The following KYAT1 variants were observed in gnomAD, a reference collection of about 807,000 sequenced individuals.
KYAT1 encodes the protein kynurenine aminotransferase 1.
A neutral mutation model predicts 52.4 loss-of-function variants in KYAT1; 47 were observed. The ratio of observed to expected loss-of-function variants is 0.90; its 90% CI spans 0.71 to 1.14. The LOEUF is 1.14. KYAT1 is among the 50% of genes most tolerant of loss of function. KYAT1 has a pLI of 0.00. For synonymous variants in KYAT1, 212 were observed against 209.6 expected (o/e 1.01, Z -0.10); for missense variants, 480 against 557.9 (o/e 0.86, Z 1.41).
At chr9:128,850,571 G>C (rs977851796) in intron 1 of KYAT1, among the ~76,000 whole-genome samples, 4 of 152,214 alleles carry the variant, frequency 2.6e-5, no homozygotes, top group Non-Finnish European at 5.9e-5. Context: ...GCCTTGGAAA[G>C]CCGCGTATTG....
At chr9:128,844,522 TAC>T (rs1832762046) in intron 2 of KYAT1, among the ~76,000 whole-genome samples, 1 of 117,116 alleles carries the variant, frequency 8.5e-6, no homozygotes, top group African/African-American at 3.3e-5. Context: ...CTACTAAAAA[TAC>T]AAAAAAAAAA....
chr9:128,871,290 C>T (rs1426710365), intron 1 of KYAT1, among the ~76,000 whole-genome samples: 1 of 152,112 alleles, frequency 6.6e-6, no homozygotes, highest in Non-Finnish European at 1.5e-5. Flanking sequence ...TGTACTCCAG[C>T]TTGGGAGACA....
chr9:128,845,984 A>G (rs1833030110), intron 1 of KYAT1, among the ~76,000 whole-genome samples: 1 of 152,334 alleles, frequency 6.6e-6, no homozygotes, highest in African/African-American at 2.4e-5. Context: ...ACACACTCAG[A>G]CTTAGGCCTG....
At chr9:128,866,193 G>A (rs1836348092) in intron 1 of KYAT1, among the ~76,000 whole-genome samples, 2 of 152,148 alleles carry the variant, frequency 1.3e-5, no homozygotes, top group South Asian at 4.1e-4. Flanking sequence ...AAGTAACTGG[G>A]CCATTTTAAT....
chr9:128,834,850 A>G (rs566411477), intron 11 of KYAT1, among the ~76,000 whole-genome samples: 2 of 140,150 alleles, frequency 1.4e-5, no homozygotes, highest in East Asian at 4.4e-4. Flanking sequence ...AAAAAAAAAA[A>G]AAAAGGCCAG....
At position 128,835,560 on chromosome 9, in the gene KYAT1, T is replaced by C; in HGVS notation, c.963A>G (p.Ile321Met). The change falls in exon 10 of 13, where the codon ATA becomes ATG. Residue 321 changes from isoleucine (I) to methionine (M), a missense_variant. Transcript: ENST00000302586. ...TCAGGCCCACTGACTGTAGGCTACG[T>C]ATCATGTGGTCACGGCAGCGCTGCA... ...QAMQRCRDHM[I>M]RSLQSVGLKP... is the part of the protein sequence containing the mutation. 1.9e-6 allele frequency: 3 copies of C among 1,613,648 alleles called. No individual in the cohort carries two copies. The highest frequency in any genetic ancestry group is 2.5e-6 in the Non-Finnish European group (3 of 1,180,030).
rs544369869 is a variant in KYAT1 at position 128,878,854 on chromosome 9, G to A, written c.-7+3043C>T. On this transcript the variant is annotated intron_variant, in intron 1 of 12. Transcript: ENST00000302586. Reference sequence around the variant, plus strand: ...ACATTAAAGGAACACACAACAGATAGGCAGATAGCCTCGCGGGAGCCTTGG... The same window carrying A: ...ACATTAAAGGAACACACAACAGATAAGCAGATAGCCTCGCGGGAGCCTTGG... Among the ~76,000 whole-genome samples, 3 of 152,294 alleles carry A rather than the reference G, an allele frequency of 2.0e-5. No individual in the cohort carries two copies. The South Asian group carries it at 6.2e-4, about 32-fold the overall frequency.
intron 1 of KYAT1, among the ~76,000 whole-genome samples, chr9:128,853,874 C>T (rs77332479): frequency 6.6e-6 from 1 of 152,176 alleles, no homozygotes; most frequent in Non-Finnish European, 1.5e-5. Context: ...GTTTATGTCC[C>T]AATGCATTAT....
chr9:128,842,643 G>C lies in KYAT1; in HGVS notation c.201+11C>G. On this transcript the variant is annotated intron_variant, in intron 3 of 12. Transcript: ENST00000302586. Reference sequence around the variant, plus strand: ...TCCCCCAGTGCCTCCACGAGAGATGGGGAGACTCACAAATGTCTTGGTGTA... The same window carrying C: ...TCCCCCAGTGCCTCCACGAGAGATGCGGAGACTCACAAATGTCTTGGTGTA... 1.2e-6 allele frequency: 2 copies of C among 1,611,902 alleles called. No individual in the cohort carries two copies. The highest frequency in any genetic ancestry group is 2.2e-5 in the South Asian group (2 of 90,898).
chr9:128,862,790 G>A (rs531406023), intron 1 of KYAT1, among the ~76,000 whole-genome samples: 10 of 152,272 alleles, frequency 6.6e-5, no homozygotes, highest in Non-Finnish European at 1.0e-4. Flanking sequence ...ATGTGTGGCC[G>A]GGTAAGACTG....
chr9:128,875,406 G>A (rs1421823133), intron 1 of KYAT1, among the ~76,000 whole-genome samples: 1 of 151,848 alleles, frequency 6.6e-6, no homozygotes, highest in Non-Finnish European at 1.5e-5. Context: ...TTGAGGTCAG[G>A]AGTTCGAGAC....
intron 1 of KYAT1, among the ~76,000 whole-genome samples, chr9:128,864,737 T>C (rs567271016): frequency 6.6e-6 from 1 of 152,056 alleles, no homozygotes; most frequent in South Asian, 2.1e-4. Flanking sequence ...GCCTCCCGAG[T>C]AGCTGGGACT....
At position 128,865,123 on chromosome 9, in the gene KYAT1, G is replaced by A. The variant is rs187865419; in HGVS notation, c.-7+16774C>T. Among the ~76,000 whole-genome samples, 1,050 of 147,688 alleles carry A rather than the reference G, an allele frequency of 7.1e-3. 10 individuals are homozygous for A. The highest frequency in any genetic ancestry group is 0.019 in the African/African-American group (735 of 39,202). On this transcript the variant is annotated intron_variant, in intron 1 of 12. Transcript: ENST00000302586. The stretch of plus-strand genomic sequence containing the variant: ...CGTCTGTAGTCCCAGCTACTCGGGA[G>A]GCTGAGGTGGGAGGATCACTTGAGC...
rs151183415 is a variant in KYAT1 at position 128,846,256 on chromosome 9, C to A, written c.-6-845G>T. ...CCAGCCTGGCCAACATGGTGAAACC[C>A]CCATCTCTACTAAAAATACAAAAAT... On this transcript the variant is annotated intron_variant, in intron 1 of 12. Coordinates refer to ENST00000302586, the MANE Select transcript of KYAT1 (RefSeq NM_004059.5). 4.4e-3 allele frequency among the ~76,000 whole-genome samples: 664 copies of A among 152,250 alleles called. 7 individuals are homozygous for A. Among genetic ancestry groups the A allele is most frequent in the African/African-American group, 0.015 (639 of 41,546 alleles).
intron 1 of KYAT1, among the ~76,000 whole-genome samples, chr9:128,867,725 C>T (rs980152816): frequency 1.3e-5 from 2 of 152,166 alleles, no homozygotes; most frequent in Non-Finnish European, 2.9e-5. Context: ...GAAAGATATT[C>T]AGGTTATGTG....
At chr9:128,852,879 G>T (rs1358960340) in intron 1 of KYAT1, among the ~76,000 whole-genome samples, 2 of 152,162 alleles carry the variant, frequency 1.3e-5, no homozygotes. Flanking sequence ...AGCAACTAAA[G>T]AAATTGAATT....
chr9:128,879,536 C>T (rs542936877), intron 1 of KYAT1, among the ~76,000 whole-genome samples: 70 of 152,268 alleles, frequency 4.6e-4, no homozygotes, highest in Admixed American at 1.8e-3. Context: ...AGGCATTCTC[C>T]GGGAGGAAAG....
chr9:128,851,381 A>G (rs1363601825), intron 1 of KYAT1, among the ~76,000 whole-genome samples: 2 of 152,192 alleles, frequency 1.3e-5, no homozygotes, highest in Admixed American at 1.3e-4. Context: ...CCAGGGTAAC[A>G]ATGGGGCAAA....
chr9:128,836,892 C>A lies in KYAT1; in HGVS notation c.598G>T (p.Ala200Ser). 1 of 1,613,608 alleles carries A rather than the reference C, an allele frequency of 6.2e-7. No individual in the cohort carries two copies. The highest frequency in any genetic ancestry group is 8.5e-7 in the Non-Finnish European group (1 of 1,179,972). The change falls in exon 7 of 13, where the codon GCC becomes TCC. Residue 200 changes from alanine to serine, a missense_variant. Transcript: ENST00000302586. ...ACGTCATGCTGCTGGCAAAGGCTGG[C>A]CACCAGCTCCAGCTCTTCCCTGGAG... Reference protein sequence around the residue: ...VFSREELELVASLCQQHDVVC... With the variant: ...VFSREELELVSSLCQQHDVVC...
Sources: allele counts gnomAD v4.1 joint callset (sites outside exome capture counted in the v4.1 genomes callset), GRCh38; gene constraint gnomAD v4.1.1; transcripts MANE v1.5; gene names NCBI Gene and HGNC (gene_info 2026-07-23, HGNC 2026-07-21).